The following LYPD6 variants were observed in gnomAD, a reference collection of about 807,000 sequenced individuals.
LYPD6 encodes the protein ly6/PLAUR domain-containing protein 6.
LYPD6 carries 15 observed loss-of-function variants against 22.7 expected under a neutral mutation model. The observed-to-expected ratio is 0.66, with a 90% CI of 0.44 to 1.02. The LOEUF (loss-of-function observed/expected upper bound fraction) is 1.02. Ranked by LOEUF, LYPD6 falls within the 50% of genes least tolerant of loss-of-function variation. LYPD6 has a pLI of 0.00. For missense variants in LYPD6, 189 were observed against 208.4 expected, an observed-to-expected ratio of 0.91 and a Z score of 0.57; for synonymous variants, 72 against 77.5, an observed-to-expected ratio of 0.93 and a Z score of 0.37.
chr2:149,337,028 G>A (rs1399261573), intron 1 of LYPD6, among the ~76,000 whole-genome samples: 3 of 151,210 alleles, frequency 2.0e-5, no homozygotes, highest in African/African-American at 4.9e-5. Context: ...AAAAGATTTC[G>A]TTTTTACATT....
At chr2:149,342,789 T>C (rs1007042298) in intron 1 of LYPD6, among the ~76,000 whole-genome samples, 1 of 152,128 alleles carries the variant, frequency 6.6e-6, no homozygotes, top group African/African-American at 2.4e-5. Flanking sequence ...GAGCACCAGG[T>C]GAGAGGTGGC....
intron 1 of LYPD6, among the ~76,000 whole-genome samples, chr2:149,435,194 C>T (rs1482473759): frequency 6.6e-6 from 1 of 152,184 alleles, no homozygotes; most frequent in Non-Finnish European, 1.5e-5. Flanking sequence ...TTGCCGACAC[C>T]TTGATCTTGG....
At chr2:149,333,318 T>C (rs1380686719) in intron 1 of LYPD6, among the ~76,000 whole-genome samples, 1 of 152,250 alleles carries the variant, frequency 6.6e-6, no homozygotes, top group East Asian at 1.9e-4. Context: ...GCTCATCATC[T>C]GCAAATCTTT....
intron 1 of LYPD6, among the ~76,000 whole-genome samples, chr2:149,347,823 A>G (rs1681284880): frequency 6.6e-6 from 1 of 152,204 alleles, no homozygotes; most frequent in Non-Finnish European, 1.5e-5. Flanking sequence ...TAACATGTCC[A>G]ACTATTTAAA....
chr2:149,403,092 G>A (rs1456757491), intron 1 of LYPD6, among the ~76,000 whole-genome samples: 4 of 151,924 alleles, frequency 2.6e-5, no homozygotes, highest in Non-Finnish European at 4.4e-5. Flanking sequence ...AGTATTCCAC[G>A]GTGTATATGT....
At chr2:149,362,516 CTG>C (rs1186037518) in intron 1 of LYPD6, among the ~76,000 whole-genome samples, 1 of 152,180 alleles carries the variant, frequency 6.6e-6, no homozygotes, top group Non-Finnish European at 1.5e-5. Flanking sequence ...CTGCCCATGA[CTG>C]TCTTAATCCA....
intron 1 of LYPD6, among the ~76,000 whole-genome samples, chr2:149,333,309 CTCA>C (rs1391199700): frequency 1.3e-5 from 2 of 152,258 alleles, no homozygotes; most frequent in South Asian, 4.1e-4. Flanking sequence ...TTTTTAAGGG[CTCA>C]TCATCTGCAA....
chr2:149,471,518 C>T lies in LYPD6; in HGVS notation c.*668C>T, dbSNP rs1681333982. ...TGGGGGTGCCTGGAGGAGGATTTTC[C>T]TCAACTTAATGGAGCCACTGTCCAT... On this transcript the variant is annotated 3_prime_UTR_variant, in exon 5 of 5. Coordinates refer to ENST00000334166, the MANE Select transcript of LYPD6 (RefSeq NM_194317.5). 1 of 152,162 alleles carries T rather than the reference C, an allele frequency of 6.6e-6. No homozygotes were observed. Among genetic ancestry groups the T allele is most frequent in the Admixed American group, 6.6e-5 (1 of 15,258 alleles). The allele number at this position is 152,162 out of a possible 1,614,324, so 9.4% of individuals were successfully genotyped here.
intron 1 of LYPD6, among the ~76,000 whole-genome samples, chr2:149,413,199 C>G (rs1682890647): frequency 6.6e-6 from 1 of 152,138 alleles, no homozygotes; most frequent in East Asian, 1.9e-4. Context: ...TCCAGACACC[C>G]TCTGTTACTC....
chr2:149,358,662 A>G (rs1187159287), intron 1 of LYPD6, among the ~76,000 whole-genome samples: 1 of 151,986 alleles, frequency 6.6e-6, no homozygotes, highest in East Asian at 1.9e-4. Context: ...GCAAATATAT[A>G]TATTTTCTAA....
chr2:149,432,972 T>A (rs1297817533), intron 1 of LYPD6, among the ~76,000 whole-genome samples: 1 of 152,232 alleles, frequency 6.6e-6, no homozygotes, highest in Non-Finnish European at 1.5e-5. Flanking sequence ...AAATAATACA[T>A]GCTCATTAAG....
intron 1 of LYPD6, among the ~76,000 whole-genome samples, chr2:149,431,288 T>A (rs1573802398): frequency 6.6e-6 from 1 of 152,332 alleles, no homozygotes; most frequent in Middle Eastern, 3.4e-3. Context: ...CTTTTCTAAA[T>A]GTCTAATACA....
At chr2:149,347,193 GGAA>G (rs953646254) in intron 1 of LYPD6, among the ~76,000 whole-genome samples, 45 of 152,160 alleles carry the variant, frequency 3.0e-4, no homozygotes, top group African/African-American at 9.9e-4. Flanking sequence ...AGGAGGTGGA[GGAA>G]GAAGAGAGAA....
At chr2:149,413,915 ATATCT>A (rs1032521751) in intron 1 of LYPD6, among the ~76,000 whole-genome samples, 52 of 152,338 alleles carry the variant, frequency 3.4e-4, no homozygotes, top group Non-Finnish European at 3.7e-4. Context: ...CAATAAGAAC[ATATCT>A]TATAACCTTT....
At chr2:149,445,959 G>C (rs550125155) in intron 2 of LYPD6, among the ~76,000 whole-genome samples, 3 of 152,208 alleles carry the variant, frequency 2.0e-5, no homozygotes, top group Non-Finnish European at 4.4e-5. Context: ...ATCATTTCTA[G>C]GTTTTGATTT....
intron 1 of LYPD6, among the ~76,000 whole-genome samples, chr2:149,331,107 G>A (rs1026688816): frequency 6.6e-6 from 1 of 152,168 alleles, no homozygotes; most frequent in Non-Finnish European, 1.5e-5. Flanking sequence ...GGGAGTTCCT[G>A]GGCGGCGGAC....
intron 1 of LYPD6, among the ~76,000 whole-genome samples, chr2:149,424,140 A>C (rs902939854): frequency 3.3e-5 from 5 of 152,092 alleles, no homozygotes; most frequent in Non-Finnish European, 5.9e-5. Context: ...TGCACACAAC[A>C]CACACACACA....
intron 1 of LYPD6, among the ~76,000 whole-genome samples, chr2:149,404,234 A>G (rs1000683905): frequency 6.6e-6 from 1 of 152,154 alleles, no homozygotes; most frequent in African/African-American, 2.4e-5. Context: ...TTGGTTCCAT[A>G]TGAACTTTAA....
At chr2:149,412,647 T>A (rs1682876864) in intron 1 of LYPD6, among the ~76,000 whole-genome samples, 1 of 152,202 alleles carries the variant, frequency 6.6e-6, no homozygotes, top group African/African-American at 2.4e-5. Flanking sequence ...ACACCAGCAG[T>A]GTCTCTGCTG....
Sources: gnomAD v4.1 joint callset for allele counts (sites outside exome capture counted in the v4.1 genomes callset) on GRCh38, gnomAD v4.1.1 for gene constraint, MANE v1.5 for transcripts, NCBI Gene and HGNC (gene_info 2026-07-23, HGNC 2026-07-21) for gene names.